NAE1: variants seen among roughly 807,000 people sequenced by gnomAD.
NAE1 encodes the protein NEDD8 activating enzyme E1 subunit 1.
NAE1 carries 59 observed loss-of-function variants against 88.0 expected under a neutral mutation model. The ratio of observed to expected loss-of-function variants is 0.67; its 90% CI spans 0.54 to 0.83. NAE1 has a LOEUF of 0.83. Ranked by LOEUF, NAE1 falls within the 40% of genes least tolerant of loss-of-function variation. The pLI is 0.00. For missense variants in NAE1, 554 were observed against 632.8 expected, an observed-to-expected ratio of 0.88 and a Z score of 1.34; for synonymous variants, 186 against 208.9, an observed-to-expected ratio of 0.89 and a Z score of 0.95.
In NAE1 at chr16:66,823,515, G is replaced by A. The variant is rs1439398563; in HGVS notation, c.321+14C>T. 2.5e-6 allele frequency: 4 copies of A among 1,585,380 alleles called. No homozygotes were observed. The highest frequency in any genetic ancestry group is 3.5e-6 in the Non-Finnish European group (4 of 1,157,288). On this transcript the variant is annotated intron_variant, in intron 5 of 19. Coordinates refer to ENST00000290810, the MANE Select transcript of NAE1 (RefSeq NM_003905.4). ...TATTTCAGCACAGACATAATAATGT[G>A]TGTACATATATACCTCTTCCACAAA...
Position 66,821,437 on chromosome 16 carries a change from T to C in NAE1, c.511+13A>G, listed in dbSNP as rs1277326167. The C allele has an allele frequency of 6.5e-7, 1 of 1,546,846 alleles. No individual in the cohort carries two copies. Among genetic ancestry groups the C allele is most frequent in the Non-Finnish European group, 8.7e-7 (1 of 1,150,462 alleles). On this transcript the variant is annotated intron_variant, in intron 7 of 19. Transcript: ENST00000290810. ...AGCAACCAATAGTAAGCCCATATGC[T>C]CAACAATTTTACCTGGATGTTCTTT...
chr16:66,809,241 G>C (rs186243738), intron 15 of NAE1, among the ~76,000 whole-genome samples, 166 bp from the exon 16 acceptor site: 1 of 152,290 alleles, frequency 6.6e-6, no homozygotes, highest in Non-Finnish European at 1.5e-5. Flanking sequence ...ACTAGAACAT[G>C]AATCACCTTA....
At chr16:66,805,662 T>C in intron 19 of NAE1, 115 bp downstream of exon 19, 1 of 824,582 alleles carries the variant, frequency 1.2e-6, no homozygotes, top group Non-Finnish European at 1.7e-6. Flanking sequence ...GAAAGAAATA[T>C]AACATCCTGC....
At chr16:66,813,974 G>A in intron 11 of NAE1, 128 bp from the exon 12 acceptor site, 1 of 903,432 alleles carries the variant, frequency 1.1e-6, no homozygotes, top group East Asian at 2.6e-5. Flanking sequence ...CTTCTGATTG[G>A]TTTATAATTT....
chr16:66,827,983 G>A (rs1483831334), intron 1 of NAE1: 2 of 1,613,050 alleles, frequency 1.2e-6, no homozygotes, highest in South Asian at 1.1e-5. Context: ...ACTGTACCTG[G>A]CTTCATTTGT....
intron 3 of NAE1, among the ~76,000 whole-genome samples, chr16:66,825,390 T>C (rs932005191): frequency 7.4e-5 from 11 of 147,998 alleles, no homozygotes; most frequent in Non-Finnish European, 1.5e-4. Context: ...GAGCTTGCAG[T>C]GAGCCGAGAT....
Position 66,808,546 on chromosome 16 carries a change from A to G in NAE1, c.1305T>C (p.Phe435=), listed in dbSNP as rs1959663763. 1.9e-6 allele frequency: 3 copies of G among 1,600,256 alleles called. No individual in the cohort carries two copies. Among genetic ancestry groups the G allele is most frequent in the South Asian group, 2.2e-5 (2 of 90,110 alleles). Residue 435 remains phenylalanine, a synonymous_variant, in exon 17 of 20, where the codon TTT becomes TTC. Coordinates refer to ENST00000290810, the MANE Select transcript of NAE1 (RefSeq NM_003905.4). ...CTGGATATCTACCCTGTTGTTTATG[A>G]AATCTATCAACAGCCCGTAACATTA... ...LYLMLRAVDR[F]HKQQGRYPGV...
In NAE1 at chr16:66,818,528, CT is replaced by C. The variant is rs1401721531; in HGVS notation, c.620del (p.Lys207ArgfsTer10). The C allele has an allele frequency of 8.1e-6, 13 of 1,606,546 alleles. No individual in the cohort carries two copies. The highest frequency in any genetic ancestry group is 1.7e-5 in the Admixed American group (1 of 58,316). Reference protein sequence around the residue: ...QSYDLDHMEKKDHSHTPWIVI... With the variant: ...QSYDLDHMEKXDHSHTPWIVI... ...ATGTAAGGTCACACACACTACCAAC[CT>C]TTTTTTCCATATGATCCAAATCATA... is the stretch of plus-strand genomic sequence containing the variant. On this transcript the variant is annotated frameshift_variant and splice_region_variant, in exon 8 of 20. Transcript: ENST00000290810. LOFTEE classifies it high-confidence loss of function.
intron 6 of NAE1, 101 bp from the exon 7 acceptor site, chr16:66,821,660 C>T: frequency 9.1e-6 from 9 of 985,160 alleles, no homozygotes; most frequent in Non-Finnish European, 1.3e-5. Flanking sequence ...AACTTTCTTA[C>T]TAAATAATAG....
chr16:66,815,471 C>T (rs1190371659), intron 11 of NAE1, among the ~76,000 whole-genome samples: 1 of 151,974 alleles, frequency 6.6e-6, no homozygotes, highest in African/African-American at 2.4e-5. Context: ...CTCCCACTAC[C>T]TTAGGCTCCA....
intron 14 of NAE1, 54 bp from the exon 15 acceptor site, chr16:66,810,467 A>C: frequency 1.3e-6 from 2 of 1,497,282 alleles, no homozygotes; most frequent in Non-Finnish European, 1.8e-6. Context: ...AGATTAACAA[A>C]GGGTGCGGCA....
chr16:66,808,111 C>G (rs1323998697), intron 17 of NAE1, among the ~76,000 whole-genome samples: 1 of 152,070 alleles, frequency 6.6e-6, no homozygotes, highest in Non-Finnish European at 1.5e-5. Context: ...ACGCTGGTCT[C>G]CAACTCCTGG....
intron 13 of NAE1, among the ~76,000 whole-genome samples, chr16:66,811,697 C>T (rs905301029): frequency 2.0e-5 from 3 of 152,142 alleles, no homozygotes; most frequent in African/African-American, 4.8e-5. Context: ...CCACTGCATC[C>T]GGCCATAAAA....
chr16:66,813,658 A>G lies in NAE1; in HGVS notation c.940T>C (p.Phe314Leu). 6.2e-7 allele frequency: 1 copy of G among 1,614,068 alleles called. No homozygotes were observed. The highest frequency in any genetic ancestry group is 8.5e-7 in the Non-Finnish European group (1 of 1,179,966). ...FWILARALKEFVAKEGQGNLP... is the reference protein window; with the variant it reads ...FWILARALKELVAKEGQGNLP... ...TTTCCTTGACCCTCTTTGGCCACAA[A>G]TTCCTTTAAGGCACGAGCTAAAATC... The change falls in exon 13 of 20, where the codon TTT (phenylalanine) becomes CTT (leucine). Residue 314 changes from phenylalanine (F) to leucine (L), a missense_variant. Transcript: ENST00000290810.
intron 7 of NAE1, among the ~76,000 whole-genome samples, chr16:66,820,429 T>C (rs775754780): frequency 3.9e-5 from 6 of 152,280 alleles, no homozygotes; most frequent in East Asian, 1.9e-4. Context: ...TGCACCTGAA[T>C]TGAGAGAACC....
rs746186684 is a variant in NAE1, at chr16:66,820,418, T to C, written c.511+1032A>G. On this transcript the variant is annotated intron_variant, in intron 7 of 19. Transcript: ENST00000290810. ...ATGTAAATGTCTTTGTTGTGTGAAATTGCACCTGAATTGAGAGAACCTAAA... is the reference window on the plus strand; with the variant it reads ...ATGTAAATGTCTTTGTTGTGTGAAACTGCACCTGAATTGAGAGAACCTAAA... Among the ~76,000 whole-genome samples the C allele has an allele frequency of 6.6e-5, 10 of 152,262 alleles. No individual in the cohort carries two copies. In the South Asian group the frequency reaches 8.3e-4, roughly 13 times the overall value.
intron 16 of NAE1, 177 bp from the exon 17 acceptor site, chr16:66,808,790 C>G (rs1459255942): frequency 9.8e-6 from 6 of 613,560 alleles, no homozygotes; most frequent in Non-Finnish European, 1.7e-5. Context: ...ACTCAGTGAC[C>G]TAAATATGAC....
chr16:66,803,187 TAAAG>T, intron 19 of NAE1, 69 bp from the exon 20 acceptor site: 1 of 1,075,738 alleles, frequency 9.3e-7, no homozygotes, highest in East Asian at 2.5e-5. Context: ...CTCAATTCTG[TAAAG>T]AAACTTTTCC....
At position 66,830,903 on chromosome 16, in the gene NAE1, C is replaced by A. The variant is rs372454014; in HGVS notation, c.-4G>T. 1.5e-4 allele frequency: 227 copies of A among 1,532,154 alleles called. 1 individual carries two copies. The African/African-American group carries it at 2.7e-3, about 18-fold the overall frequency. The allele number at this position is 1,532,154 out of a possible 1,614,324, so 94.9% of individuals were successfully genotyped here. A position where few individuals can be genotyped will look rare whatever the true frequency, so the allele number is the denominator to read the frequency against. On this transcript the variant is annotated 5_prime_UTR_variant, in exon 1 of 20. Coordinates refer to ENST00000290810, the MANE Select transcript of NAE1 (RefSeq NM_003905.4). ...GCAGCTTTCCCAGCTGCGCCATGGCCGCGCCTGCCGCGCGGAAAACAGCCG... is the reference window on the plus strand; with the variant it reads ...GCAGCTTTCCCAGCTGCGCCATGGCAGCGCCTGCCGCGCGGAAAACAGCCG...
Sources: gnomAD v4.1 joint callset for allele counts (sites outside exome capture counted in the v4.1 genomes callset) on GRCh38, gnomAD v4.1.1 for gene constraint, MANE v1.5 for transcripts, NCBI Gene and HGNC (gene_info 2026-07-23, HGNC 2026-07-21) for gene names.